ZC3H18: variants seen among roughly 807,000 people sequenced by gnomAD.
ZC3H18 encodes the protein zinc finger CCCH domain-containing protein 18.
ZC3H18 carries 8 observed loss-of-function variants against 106.1 expected under a neutral mutation model. The observed-to-expected ratio is 0.08, with a 90% CI of 0.04 to 0.14. ZC3H18 has a LOEUF of 0.14. Among genes scored for constraint, ZC3H18 ranks in the 10% least tolerant of loss-of-function variants. The probability of loss-of-function intolerance (pLI) is 1.00; values close to 1 mark genes in which losing one functional copy is unlikely to be tolerated. For synonymous variants in ZC3H18, 635 were observed against 522.1 expected, an observed-to-expected ratio of 1.22 and a Z score of -2.95; for missense variants, 1,318 against 1,278.4, an observed-to-expected ratio of 1.03 and a Z score of -0.47.
rs1039299265 is a variant in ZC3H18, at chr16:88,627,435, T to G, written c.2109-187T>G. 2 of 683,826 alleles carry G rather than the reference T, an allele frequency of 2.9e-6. No homozygotes were observed. Among genetic ancestry groups the G allele is most frequent in the African/African-American group, 3.6e-5 (2 of 55,916 alleles). The allele number at this position is 683,826 out of a possible 1,614,324, so 42.4% of individuals were successfully genotyped here. ...GACATTGATTAGTGAAATGGGGCCC[T>G]GGCCTAGCCATGGGGACGTCCCTTA... On this transcript the variant is annotated intron_variant, in intron 13 of 17. Coordinates refer to ENST00000301011, the MANE Select transcript of ZC3H18 (RefSeq NM_144604.4). The surrounding 1 kb of genome is among the most constrained non-coding windows in gnomAD (Gnocchi z 4.5).
intron 8 of ZC3H18, among the ~76,000 whole-genome samples, chr16:88,618,351 G>A (rs1391896942): frequency 6.6e-6 from 1 of 152,242 alleles, no homozygotes; most frequent in Non-Finnish European, 1.5e-5. Context: ...TGCTGTGGAG[G>A]TGCTCCCAGA....
At chr16:88,630,120 A>G (rs1319245564) in intron 16 of ZC3H18, 1 of 195,144 alleles carries the variant, frequency 5.1e-6, no homozygotes, top group Non-Finnish European at 1.0e-5. Context: ...AGAGTGAAAC[A>G]CTCCTAGTCT....
At chr16:88,587,657 C>T in intron 3 of ZC3H18, 1 of 1,493,744 alleles carries the variant, frequency 6.7e-7, no homozygotes, top group Non-Finnish European at 9.0e-7. Context: ...CCTTAAAGTC[C>T]CCCTACTCCA....
chr16:88,613,972 G>A (rs763231336), intron 8 of ZC3H18, among the ~76,000 whole-genome samples: 6 of 152,172 alleles, frequency 3.9e-5, no homozygotes, highest in East Asian at 1.9e-4. Context: ...ACGTTGCTCC[G>A]TCTCAGGGTT....
Position 88,631,331 on chromosome 16 carries a change from A to C in ZC3H18, c.*32A>C. ...CCCCGACCGGACTGGACGCATTTTT[A>C]TACATAGGGTAAGCGCAGCCATTTT... On this transcript the variant is annotated 3_prime_UTR_variant, in exon 18 of 18. Transcript: ENST00000301011. The C allele has an allele frequency of 6.4e-7, 1 of 1,554,002 alleles. No individual in the cohort carries two copies. Among genetic ancestry groups the C allele is most frequent in the South Asian group, 1.2e-5 (1 of 85,002 alleles).
chr16:88,624,397 C>G (rs1202104766), intron 11 of ZC3H18: 6 of 810,828 alleles, frequency 7.4e-6, no homozygotes, highest in East Asian at 2.7e-5. Flanking sequence ...AGAGGGGAGC[C>G]TGGAAGGGCT....
chr16:88,587,187 G>A (rs955091960), intron 3 of ZC3H18, among the ~76,000 whole-genome samples: 2 of 152,224 alleles, frequency 1.3e-5, no homozygotes, highest in Non-Finnish European at 2.9e-5. Context: ...AGAAGGAATG[G>A]TGTGAGTTCA....
intron 3 of ZC3H18, among the ~76,000 whole-genome samples, chr16:88,593,975 A>G (rs1597333403): frequency 6.6e-6 from 1 of 152,220 alleles, no homozygotes; most frequent in Non-Finnish European, 1.5e-5. Context: ...GTGTGGTGAT[A>G]GGGTTCAATT....
rs193189819 is a variant in ZC3H18 at position 88,594,980 on chromosome 16, C to T, written c.689-3198C>T. On this transcript the variant is annotated intron_variant, in intron 3 of 17. Transcript: ENST00000301011. ...TAGCCTGACCAACATGGAGAAACCTCGTTTCTACTAAAAATACAAAATTAG... is the reference window on the plus strand; with the variant it reads ...TAGCCTGACCAACATGGAGAAACCTTGTTTCTACTAAAAATACAAAATTAG... Among the ~76,000 whole-genome samples, 535 of 152,060 alleles carry T rather than the reference C, an allele frequency of 3.5e-3. 3 individuals are homozygous for T. The highest frequency in any genetic ancestry group is 0.017 in the Middle Eastern group (5 of 294).
intron 8 of ZC3H18, among the ~76,000 whole-genome samples, chr16:88,611,738 G>C (rs77269754): frequency 0.026 from 3,947 of 152,332 alleles, 146 homozygotes; most frequent in African/African-American, 0.084. Context: ...CCAAGGCCGT[G>C]ACATCTGCCC....
chr16:88,591,736 G>T (rs1372839880), intron 3 of ZC3H18, among the ~76,000 whole-genome samples: 2 of 152,372 alleles, frequency 1.3e-5, no homozygotes, highest in East Asian at 1.9e-4. Flanking sequence ...CCTGCTTTCA[G>T]CTCTTTCGCA....
chr16:88,590,285 G>A (rs769617729), intron 3 of ZC3H18, among the ~76,000 whole-genome samples: 18 of 152,154 alleles, frequency 1.2e-4, no homozygotes, highest in African/African-American at 3.4e-4. Flanking sequence ...TTGTGATATA[G>A]AGATTAATCA....
intron 2 of ZC3H18, among the ~76,000 whole-genome samples, chr16:88,585,724 G>T (rs1395352574): frequency 6.6e-6 from 1 of 152,132 alleles, no homozygotes; most frequent in African/African-American, 2.4e-5. Flanking sequence ...AATGAGAGAG[G>T]TCAGTTAGAA....
intron 3 of ZC3H18, 29 bp from the exon 4 acceptor site, chr16:88,598,149 C>T (rs1271806464): frequency 2.1e-6 from 3 of 1,446,224 alleles, no homozygotes; most frequent in Non-Finnish European, 2.8e-6. Flanking sequence ...TCTTGTGGAC[C>T]CTTTCTGATC....
chr16:88,587,784 C>T (rs528115085), intron 3 of ZC3H18, among the ~76,000 whole-genome samples: 3 of 152,288 alleles, frequency 2.0e-5, no homozygotes, highest in African/African-American at 2.4e-5. Context: ...GTGAGCCAGT[C>T]GAGCATCGGG....
chr16:88,622,960 C>T (rs1206675647), intron 9 of ZC3H18: 2 of 513,180 alleles, frequency 3.9e-6, no homozygotes, highest in Admixed American at 3.6e-5. Context: ...CAGCGCCACC[C>T]GGTAACAGCA....
In ZC3H18 at chr16:88,590,564, C is replaced by CT. The variant is rs57632461; in HGVS notation, c.688+3896dup. On this transcript the variant is annotated intron_variant, in intron 3 of 17. Transcript: ENST00000301011. ...TGTCCCACTTTGGGTTTCTTTATTT[C>CT]TTTTTTTTTTTTTTTTGAGACAGTG... Among the ~76,000 whole-genome samples the CT allele has an allele frequency of 5.5e-4, 55 of 100,656 alleles. 2 individuals are homozygous for CT. The highest frequency in any genetic ancestry group is 1.9e-3 in the South Asian group (6 of 3,216). The allele number at this position is 100,656 out of a possible 152,430, so 66.0% of individuals were successfully genotyped here. A position where few individuals can be genotyped will look rare whatever the true frequency, so the allele number is the denominator to read the frequency against.
rs1914321515 is a variant in ZC3H18, at chr16:88,570,542, G to A, written c.-39G>A. 1 of 151,958 alleles carries A rather than the reference G, an allele frequency of 6.6e-6. No homozygotes were observed. Among genetic ancestry groups the A allele is most frequent in the African/African-American group, 2.4e-5 (1 of 41,388 alleles). 9.4% of individuals were successfully genotyped at this position (151,958 alleles called of 1,614,324 possible). ...CCGCTCCGACTCCAGGGGAGCCGTG[G>A]CCTCCTCTCCGCCCTAGCGCTGAGG... On this transcript the variant is annotated 5_prime_UTR_variant, in exon 1 of 18. Coordinates refer to ENST00000301011, the MANE Select transcript of ZC3H18 (RefSeq NM_144604.4).
At chr16:88,609,212 A>T in intron 7 of ZC3H18, 161 bp downstream of exon 7, 1 of 474,120 alleles carries the variant, frequency 2.1e-6, no homozygotes, top group East Asian at 3.5e-5. Context: ...GAACGAATTC[A>T]GAGGCAGCGA....
Sources: gnomAD v4.1 joint callset for allele counts (sites outside exome capture counted in the v4.1 genomes callset) on GRCh38, gnomAD v4.1.1 for gene constraint, Gnocchi (gnomAD v3.1) non-coding constraint, MANE v1.5 for transcripts, NCBI Gene and HGNC (gene_info 2026-07-23, HGNC 2026-07-21) for gene names.